The following SLC35F3 variants were observed in gnomAD, a reference collection of about 807,000 sequenced individuals.
SLC35F3 encodes solute carrier family 35 member F3.
In SLC35F3, 25 loss-of-function variants were observed where a neutral mutation model predicts 49.9. The observed-to-expected ratio is 0.50, with a 90% confidence interval of 0.37 to 0.70. SLC35F3 has a LOEUF of 0.70. SLC35F3 is among the 30% of genes least tolerant of loss of function. The pLI, the probability that SLC35F3 is intolerant of heterozygous loss-of-function variation, is 0.00. For synonymous variants in SLC35F3, 275 were observed against 265.4 expected (o/e 1.04, Z -0.35); for missense variants, 525 against 639.8 (o/e 0.82, Z 1.94).
At chr1:233,967,659 A>G (rs1333919795) in intron 2 of SLC35F3, among the ~76,000 whole-genome samples, 1 of 152,248 alleles carries the variant, frequency 6.6e-6, no homozygotes, top group Non-Finnish European at 1.5e-5. Context: ...AACTACATGC[A>G]GGATGACTTC....
At chr1:233,974,854 G>A (rs901698133) in intron 2 of SLC35F3, among the ~76,000 whole-genome samples, 4 of 152,222 alleles carry the variant, frequency 2.6e-5, no homozygotes, top group African/African-American at 9.6e-5. Context: ...TGATTATTCT[G>A]AGATCATAAT....
chr1:234,224,744 T>C (rs1572102628), intron 2 of SLC35F3, among the ~76,000 whole-genome samples: 2 of 152,232 alleles, frequency 1.3e-5, no homozygotes, highest in African/African-American at 4.8e-5. Context: ...ATTTGTATCC[T>C]TGGGATATTA....
chr1:234,269,487 G>A (rs1363900960), intron 3 of SLC35F3, among the ~76,000 whole-genome samples: 3 of 152,148 alleles, frequency 2.0e-5, no homozygotes, highest in Non-Finnish European at 2.9e-5. Flanking sequence ...GCAGCCCAGT[G>A]TGTCCCAGAC....
chr1:233,979,989 C>T (rs1476610245), intron 2 of SLC35F3, among the ~76,000 whole-genome samples: 2 of 152,212 alleles, frequency 1.3e-5, no homozygotes, highest in Non-Finnish European at 2.9e-5. Flanking sequence ...ACCTGATCTC[C>T]ACCAGTTGTG....
chr1:233,964,729 T>C (rs1176685497), intron 2 of SLC35F3, among the ~76,000 whole-genome samples: 1 of 152,120 alleles, frequency 6.6e-6, no homozygotes, highest in Non-Finnish European at 1.5e-5. Flanking sequence ...CAGAGAGAAA[T>C]GCAATGCAAT....
intron 3 of SLC35F3, among the ~76,000 whole-genome samples, chr1:234,281,078 G>A (rs544072460): frequency 6.8e-6 from 1 of 146,942 alleles, no homozygotes; most frequent in Non-Finnish European, 1.5e-5. Context: ...GGGCTAAATT[G>A]TGTCCCCCCC....
At chr1:233,977,368 A>G (rs1438376263) in intron 2 of SLC35F3, among the ~76,000 whole-genome samples, 1 of 152,252 alleles carries the variant, frequency 6.6e-6, no homozygotes, top group Non-Finnish European at 1.5e-5. Flanking sequence ...GAGAAAATTC[A>G]CAGAGAAGGC....
rs1275359514 is a variant in SLC35F3 at position 234,324,287 on chromosome 1, G to C, written c.*1044G>C. 1 of 152,178 alleles carries C rather than the reference G, an allele frequency of 6.6e-6. No individual in the cohort carries two copies. Among genetic ancestry groups the C allele is most frequent in the Admixed American group, 6.5e-5 (1 of 15,278 alleles). 9.4% of individuals were successfully genotyped at this position (152,178 alleles called of 1,614,324 possible). ...CTATCTGTGATAGATCTGTAAAGAGGGTCAGGGGTTAGAGTTTACTATTTT... is the reference window on the plus strand; with the variant it reads ...CTATCTGTGATAGATCTGTAAAGAGCGTCAGGGGTTAGAGTTTACTATTTT... On this transcript the variant is annotated 3_prime_UTR_variant, in exon 8 of 8. Transcript: ENST00000366618.
chr1:234,056,018 T>C (rs1283244428), intron 2 of SLC35F3, among the ~76,000 whole-genome samples: 1 of 152,182 alleles, frequency 6.6e-6, no homozygotes, highest in Non-Finnish European at 1.5e-5. Flanking sequence ...ACTTTGTAGC[T>C]TGTTTTCTAG....
At chr1:233,911,516 G>A (rs977498725) in intron 2 of SLC35F3, among the ~76,000 whole-genome samples, 2 of 152,126 alleles carry the variant, frequency 1.3e-5, no homozygotes, top group African/African-American at 4.8e-5. Flanking sequence ...TTAGTAAATA[G>A]TTTCTGAGTT....
chr1:234,108,815 G>GAT (rs1345320200), intron 2 of SLC35F3, among the ~76,000 whole-genome samples: 15 of 127,802 alleles, frequency 1.2e-4, no homozygotes, highest in Non-Finnish European at 1.6e-4. Context: ...ATATATAAAA[G>GAT]ATATATATAT....
intron 2 of SLC35F3, among the ~76,000 whole-genome samples, chr1:234,099,308 T>C (rs1296310397): frequency 6.6e-6 from 1 of 152,052 alleles, no homozygotes; most frequent in Non-Finnish European, 1.5e-5. Flanking sequence ...AACTTTTAGA[T>C]ACCTTAAAAA....
intron 2 of SLC35F3, among the ~76,000 whole-genome samples, chr1:234,122,620 G>A (rs907181669): frequency 2.0e-5 from 3 of 151,976 alleles, no homozygotes; most frequent in Non-Finnish European, 4.4e-5. Flanking sequence ...CCCTCCCCTT[G>A]TCCCCCATGG....
intron 3 of SLC35F3, among the ~76,000 whole-genome samples, chr1:234,300,482 A>T (rs2102990049): frequency 6.6e-6 from 1 of 152,358 alleles, no homozygotes. Flanking sequence ...ATTATTTGTA[A>T]ACATGTATTA....
chr1:233,955,968 A>C (rs532178767), intron 2 of SLC35F3, among the ~76,000 whole-genome samples: 1 of 143,190 alleles, frequency 7.0e-6, no homozygotes. Context: ...GCTCACTGCA[A>C]CTTCCACCTC....
chr1:234,250,792 A>C (rs970103647), intron 3 of SLC35F3, among the ~76,000 whole-genome samples: 1 of 152,122 alleles, frequency 6.6e-6, no homozygotes, highest in African/African-American at 2.4e-5. Context: ...AGATTATATG[A>C]CAAGAAGCAA....
chr1:234,231,226 A>G lies in SLC35F3; in HGVS notation c.284-191A>G, dbSNP rs917570797. 2.0e-5 allele frequency among the ~76,000 whole-genome samples: 3 copies of G among 152,190 alleles called. No individual in the cohort carries two copies. The highest frequency in any genetic ancestry group is 2.0e-4 in the Admixed American group (3 of 15,292). ...ACTTGGAGAGCCTCGGACCTGGAGG[A>G]CAGGAAAACCAGTGCAAACGTTTTC... On this transcript the variant is annotated intron_variant, in intron 2 of 7. Transcript: ENST00000366618. This position sits in a 1 kb window ranked among gnomAD's most constrained non-coding sequence, Gnocchi z 5.4.
rs145420844 is a variant in SLC35F3, at chr1:234,220,049, A to G, written c.284-11368A>G. On this transcript the variant is annotated intron_variant, in intron 2 of 7. Transcript: ENST00000366618. The stretch of plus-strand genomic sequence containing the variant: ...CTAGACCATGGGCAGATGCTGAGGC[A>G]TCCTGAACGCTGGACTCGGAAGACA... 4.2e-3 allele frequency among the ~76,000 whole-genome samples: 637 copies of G among 152,316 alleles called. 2 individuals are homozygous for G. Among genetic ancestry groups the G allele is most frequent in the African/African-American group, 0.014 (594 of 41,554 alleles).
Position 234,095,970 on chromosome 1 carries a change from T to C in SLC35F3, c.284-135447T>C, listed in dbSNP as rs1182590898. On this transcript the variant is annotated intron_variant, in intron 2 of 7. Coordinates refer to ENST00000366618, the MANE Select transcript of SLC35F3 (RefSeq NM_173508.4). Reference sequence around the variant, plus strand: ...GCAATGGGACATTTTCTATTTTAATTCCATCCTGAAATAGGTGAGAGATTT... The same window carrying C: ...GCAATGGGACATTTTCTATTTTAATCCCATCCTGAAATAGGTGAGAGATTT... Among the ~76,000 whole-genome samples the C allele has an allele frequency of 2.6e-5, 4 of 152,240 alleles. No individual in the cohort carries two copies. In the East Asian group the frequency reaches 7.7e-4, roughly 29 times the overall value.
Sources: gnomAD v4.1 joint callset for allele counts (sites outside exome capture counted in the v4.1 genomes callset) on GRCh38, gnomAD v4.1.1 for gene constraint, Gnocchi (gnomAD v3.1) non-coding constraint, MANE v1.5 for transcripts, NCBI Gene and HGNC (gene_info 2026-07-23, HGNC 2026-07-21) for gene names.